Variants in AAMDC observed in about 807,000 individuals in gnomAD.
The protein encoded by AAMDC is mth938 domain-containing protein.
A neutral mutation model predicts 15.5 loss-of-function variants in AAMDC; 16 were observed. The observed-to-expected ratio is 1.03, with a 90% CI of 0.70 to 1.57. The LOEUF (loss-of-function observed/expected upper bound fraction) is 1.57. Ranked by LOEUF, AAMDC falls within the 40% of genes most tolerant of loss-of-function variation. AAMDC has a pLI of 0.00. For missense variants in AAMDC, 141 were observed against 144.9 expected, an observed-to-expected ratio of 0.97 and a Z score of 0.14; for synonymous variants, 51 against 51.6, an observed-to-expected ratio of 0.99 and a Z score of 0.05.
chr11:77,825,839 G>A (rs1017668411), intron 1 of AAMDC, among the ~76,000 whole-genome samples: 3 of 152,036 alleles, frequency 2.0e-5, no homozygotes, highest in African/African-American at 7.2e-5. Context: ...TTACAGGCAA[G>A]TGCCACTACA....
intron 5 of AAMDC, chr11:77,891,253 G>A (rs1264657603): frequency 1.3e-6 from 2 of 1,495,538 alleles, no homozygotes; most frequent in East Asian, 2.4e-5. Flanking sequence ...CTACAGGGGT[G>A]CTAACATTAA....
rs1948879892 is a variant in AAMDC, at chr11:77,821,186, TGCGGGCAGAG to T, written c.-73_-64del. ...CCCGAAGCAGCGCTGGGAGCGTAAG[TGCGGGCAGAG>T]CACTGCGCCGTTTGGGAACGCAACT... On this transcript the variant is annotated 5_prime_UTR_variant, in exon 1 of 4. Transcript: ENST00000393427. 2.8e-6 allele frequency: 1 copy of T among 351,260 alleles called. No individual in the cohort carries two copies. Among genetic ancestry groups the T allele is most frequent in the African/African-American group, 2.1e-5 (1 of 47,394 alleles). 21.8% of individuals were successfully genotyped at this position (351,260 alleles called of 1,614,324 possible).
intron 1 of AAMDC, chr11:77,841,264 A>G (rs1304212176): frequency 1.4e-6 from 1 of 702,210 alleles, no homozygotes; most frequent in African/African-American, 1.7e-5. Context: ...AGTTAAATTT[A>G]AACATGAGTT....
intron 1 of AAMDC, among the ~76,000 whole-genome samples, chr11:77,838,940 G>GCTTA (rs1351892101): frequency 6.6e-6 from 1 of 152,088 alleles, no homozygotes; most frequent in Non-Finnish European, 1.5e-5. Context: ...TACTTACTGT[G>GCTTA]CTTACCAGTG....
At chr11:77,884,793 C>A (rs947093754) in intron 5 of AAMDC, 14 of 406,704 alleles carry the variant, frequency 3.4e-5, no homozygotes, top group Admixed American at 2.0e-4. Flanking sequence ...CTTACTCTGC[C>A]ACCCAGGCTG....
rs889901734 is a variant in AAMDC at position 77,832,955 on chromosome 11, G to A, written c.-18-9524G>A. On this transcript the variant is annotated intron_variant, in intron 1 of 3. Coordinates refer to ENST00000393427, the MANE Select transcript of AAMDC (RefSeq NM_024684.4). ...TGCACTTTATTGTATATATATATGT[G>A]TGTGTGTGTGTGTGTGTGTGTGTGT... 8.7e-3 allele frequency among the ~76,000 whole-genome samples: 79 copies of A among 9,126 alleles called. 1 individual carries two copies. Among genetic ancestry groups the A allele is most frequent in the Middle Eastern group, 0.077 (2 of 26 alleles). The allele number at this position is 9,126 out of a possible 152,430, so 6.0% of individuals were successfully genotyped here.
At chr11:77,833,726 C>A (rs1949558316) in intron 1 of AAMDC, among the ~76,000 whole-genome samples, 1 of 152,206 alleles carries the variant, frequency 6.6e-6, no homozygotes. Context: ...CAATACCTAA[C>A]ATTAAAATTC....
chr11:77,865,860 G>A (rs1189813232), intron 2 of AAMDC, among the ~76,000 whole-genome samples: 1 of 152,264 alleles, frequency 6.6e-6, no homozygotes, highest in East Asian at 1.9e-4. Flanking sequence ...ATTCTGAGAA[G>A]GGGACCATCG....
chr11:77,872,362 C>G, downstream of AAMDC: 1 of 1,561,596 alleles, frequency 6.4e-7, no homozygotes, highest in African/African-American at 1.4e-5. Flanking sequence ...ATGCCTGTGA[C>G]TGTCACTCAC....
intron 1 of AAMDC, among the ~76,000 whole-genome samples, chr11:77,825,499 G>T (rs74924662): frequency 0.011 from 1,664 of 152,224 alleles, 25 homozygotes; most frequent in African/African-American, 0.039. Context: ...GCTATTAAGT[G>T]TCAACAGAAA....
At chr11:77,841,081 T>A in intron 1 of AAMDC, 1 of 643,958 alleles carries the variant, frequency 1.6e-6, no homozygotes, top group East Asian at 2.7e-5. Flanking sequence ...TCTTGCTGCA[T>A]CATCCTATAG....
chr11:77,886,529 G>A (rs551146355), intron 5 of AAMDC, among the ~76,000 whole-genome samples: 1 of 152,308 alleles, frequency 6.6e-6, no homozygotes, highest in East Asian at 1.9e-4. Context: ...AACGGCGGGA[G>A]TAACTATGAC....
At chr11:77,887,730 G>A (rs2136377913) in intron 5 of AAMDC, among the ~76,000 whole-genome samples, 1 of 152,142 alleles carries the variant, frequency 6.6e-6, no homozygotes, top group South Asian at 2.1e-4. Flanking sequence ...AAAGTCTCAG[G>A]ATACAAAATC....
At chr11:77,831,863 T>A (rs1466682261) in intron 1 of AAMDC, 1 of 39,754 alleles carries the variant, frequency 2.5e-5, no homozygotes, top group Non-Finnish European at 4.3e-5. Context: ...GCCTGGCTAA[T>A]TTTTTTTTTT....
downstream of AAMDC, chr11:77,901,301 C>CT (rs1405077909): frequency 1.5e-5 from 15 of 1,028,466 alleles, no homozygotes; most frequent in Non-Finnish European, 2.3e-5. Flanking sequence ...TCACACATTC[C>CT]TTAGCTAGTC....
chr11:77,834,441 GT>G (rs11438814), intron 1 of AAMDC, among the ~76,000 whole-genome samples: 29,268 of 105,040 alleles, frequency 0.28, 1,740 homozygotes, highest in Admixed American at 0.32. Context: ...AGTTGATTTT[GT>G]TTTTTTTTTT....
At chr11:77,891,098 AT>A (rs1459413253) in intron 5 of AAMDC, among the ~76,000 whole-genome samples, 1 of 152,042 alleles carries the variant, frequency 6.6e-6, no homozygotes, top group African/African-American at 2.4e-5. Context: ...AACTCCTCCT[AT>A]TTGTCAGTTG....
In AAMDC at chr11:77,822,467, T is replaced by TA. The variant is rs200642641; in HGVS notation, c.-19+1232dup. 5.0e-3 allele frequency among the ~76,000 whole-genome samples: 696 copies of TA among 139,082 alleles called. 6 individuals are homozygous for TA. The highest frequency in any genetic ancestry group is 0.018 in the African/African-American group (667 of 37,346). The allele number at this position is 139,082 out of a possible 152,430, so 91.2% of individuals were successfully genotyped here. A position where few individuals can be genotyped will look rare whatever the true frequency, so the allele number is the denominator to read the frequency against. On this transcript the variant is annotated intron_variant, in intron 1 of 3. Coordinates refer to ENST00000393427, the MANE Select transcript of AAMDC (RefSeq NM_024684.4). The stretch of plus-strand genomic sequence containing the variant: ...GAAGCAAGGTACAACACAAACCATG[T>TA]AAAAAAGAGAAATCTGTAATTATAG...
chr11:77,904,315 A>C (rs945765239), downstream of AAMDC, among the ~76,000 whole-genome samples: 33 of 152,256 alleles, frequency 2.2e-4, no homozygotes, highest in Admixed American at 3.9e-4. Context: ...AACATGAGCT[A>C]TATATAATTT....
Sources: gnomAD v4.1 joint callset for allele counts (sites outside exome capture counted in the v4.1 genomes callset) on GRCh38, gnomAD v4.1.1 for gene constraint, MANE v1.5 for transcripts, NCBI Gene and HGNC (gene_info 2026-07-23, HGNC 2026-07-21) for gene names.